The following RFX2 variants were observed in gnomAD, a reference collection of about 807,000 sequenced individuals.
RFX2 encodes the protein DNA-binding protein RFX2.
A neutral mutation model predicts 87.8 loss-of-function variants in RFX2; 20 were observed. That is an observed-to-expected ratio of 0.23 (90% CI 0.16 to 0.33). RFX2 has a LOEUF of 0.33. RFX2 is among the 10% of genes least tolerant of loss of function. The pLI, the probability that RFX2 is intolerant of heterozygous loss-of-function variation, is 1.00. For missense variants in RFX2, 767 were observed against 1,012.3 expected, an observed-to-expected ratio of 0.76 and a Z score of 3.29; for synonymous variants, 397 against 431.3, an observed-to-expected ratio of 0.92 and a Z score of 0.98.
intron 3 of RFX2, 49 bp from the exon 4 acceptor site, chr19:6,042,172 T>G: frequency 6.6e-7 from 1 of 1,508,696 alleles, no homozygotes. Flanking sequence ...CCTCGTGAGT[T>G]GCCTGCAGAT....
intron 1 of RFX2, among the ~76,000 whole-genome samples, chr19:6,088,182 T>C (rs1022514186): frequency 6.8e-6 from 1 of 148,134 alleles, no homozygotes; most frequent in Non-Finnish European, 1.5e-5. Context: ...CAAAGAAGAA[T>C]GCCACAGAGA....
intron 4 of RFX2, among the ~76,000 whole-genome samples, chr19:6,041,606 C>CT (rs11363444): frequency 0.065 from 9,078 of 140,380 alleles, 366 homozygotes; most frequent in Middle Eastern, 0.1. Context: ...TAGGATTAGC[C>CT]TTTTTTTTTT....
chr19:6,012,979 C>T lies in RFX2; in HGVS notation c.899+7G>A. ...GCCAGCTCCTCCCAGCTCGGCCCGG[C>T]ACCCACCTGGGCTTCTGGTGCATGG... On this transcript the variant is annotated splice_region_variant and intron_variant, in intron 8 of 17. Transcript: ENST00000303657. This position sits in a 1 kb window ranked among gnomAD's most constrained non-coding sequence, Gnocchi z 4.6. The T allele has an allele frequency of 1.3e-6, 2 of 1,531,204 alleles. No individual in the cohort carries two copies. Among genetic ancestry groups the T allele is most frequent in the Non-Finnish European group, 8.8e-7 (1 of 1,138,824 alleles). The allele number at this position is 1,531,204 out of a possible 1,614,324, so 94.9% of individuals were successfully genotyped here.
chr19:6,038,342 A>AAAAC (rs2087052892), intron 5 of RFX2, among the ~76,000 whole-genome samples: 1 of 150,554 alleles, frequency 6.6e-6, no homozygotes, highest in African/African-American at 2.4e-5. Flanking sequence ...AAAAAAAAAA[A>AAAAC]AAAAAAAAAA....
Position 5,994,796 on chromosome 19 carries a change from G to T in RFX2, c.*39C>A. 4 of 1,344,498 alleles carry T rather than the reference G, an allele frequency of 3.0e-6. No individual in the cohort carries two copies. Among genetic ancestry groups the T allele is most frequent in the Non-Finnish European group, 4.2e-6 (4 of 949,398 alleles). The allele number at this position is 1,344,498 out of a possible 1,614,324, so 83.3% of individuals were successfully genotyped here. ...TCCAGGTTCCCAGAGTGACCAGGCGGCATCTTTTGGAACCTCGAGGAGGCG... is the reference window on the plus strand; with the variant it reads ...TCCAGGTTCCCAGAGTGACCAGGCGTCATCTTTTGGAACCTCGAGGAGGCG... On this transcript the variant is annotated 3_prime_UTR_variant, in exon 18 of 18. Coordinates refer to ENST00000303657, the MANE Select transcript of RFX2 (RefSeq NM_000635.4).
chr19:6,016,810 T>C lies in RFX2; in HGVS notation c.598-539A>G, dbSNP rs559136474. The stretch of plus-strand genomic sequence containing the variant: ...TGGTTTTCAGGTTCCTGGACTTAAT[T>C]TGTAAACATCTGGGTGTGATCAGGA... On this transcript the variant is annotated intron_variant, in intron 6 of 17. Coordinates refer to ENST00000303657, the MANE Select transcript of RFX2 (RefSeq NM_000635.4). The surrounding 1 kb of genome is among the most constrained non-coding windows in gnomAD (Gnocchi z 5.4). Among the ~76,000 whole-genome samples the C allele has an allele frequency of 1.1e-4, 16 of 152,336 alleles. No individual in the cohort carries two copies. Among genetic ancestry groups the C allele is most frequent in the Admixed American group, 9.2e-4 (14 of 15,300 alleles).
At chr19:6,105,162 C>T (rs1292571877) in intron 1 of RFX2, among the ~76,000 whole-genome samples, 2 of 151,878 alleles carry the variant, frequency 1.3e-5, no homozygotes, top group African/African-American at 4.8e-5. Flanking sequence ...AGTTCCTGCC[C>T]TTACTGAGCT....
At position 6,072,823 on chromosome 19, in the gene RFX2, A is replaced by G. The variant is rs2087628433; in HGVS notation, c.-8-25319T>C. The G allele has an allele frequency of 4.0e-6, 5 of 1,249,098 alleles. No individual in the cohort carries two copies. The Admixed American group carries it at 8.6e-5, about 22-fold the overall frequency. 77.4% of individuals were successfully genotyped at this position (1,249,098 alleles called of 1,614,324 possible). ...TGGCAGCTGTCTCCTCCTCAGCATC[A>G]TGGCCGCCCTCAGACCCCTCGTGAA... On this transcript the variant is annotated intron_variant, in intron 1 of 17. Transcript: ENST00000303657.
chr19:6,010,059 G>C lies in RFX2; in HGVS notation c.1015+77C>G. 1.2e-6 allele frequency: 1 copy of C among 837,178 alleles called. No homozygotes were observed. Among genetic ancestry groups the C allele is most frequent in the South Asian group, 1.6e-5 (1 of 62,856 alleles). 51.9% of individuals were successfully genotyped at this position (837,178 alleles called of 1,614,324 possible). Reference sequence around the variant, plus strand: ...CGGAAGCAGACGCTTAGACACCACTGGTTCTGCTGGTGTTGAAACCCAGGA... The same window carrying C: ...CGGAAGCAGACGCTTAGACACCACTCGTTCTGCTGGTGTTGAAACCCAGGA... On this transcript the variant is annotated intron_variant, in intron 9 of 17. Transcript: ENST00000303657. The surrounding 1 kb of genome is among the most constrained non-coding windows in gnomAD (Gnocchi z 5.0).
rs760874288 is a variant in RFX2 at position 6,047,467 on chromosome 19, C to T, written c.30G>A (p.Ser10=). MQNSEGGAD[S]PASVALRPSA... ...AGGGACGCAGAGCCACGGACGCTGG[C>T]GAATCCGCTCCACCCTCGGAATTCT... is the stretch of plus-strand genomic sequence containing the variant. Residue 10 remains serine (S), a synonymous_variant, in exon 2 of 18, where the codon TCG becomes TCA. Transcript: ENST00000303657. The surrounding 1 kb of genome is among the most constrained non-coding windows in gnomAD (Gnocchi z 4.2). The T allele has an allele frequency of 3.6e-5, 58 of 1,607,522 alleles. No homozygotes were observed. Among genetic ancestry groups the T allele is most frequent in the African/African-American group, 2.1e-4 (16 of 74,830 alleles).
rs2087165373 is a variant in RFX2, at chr19:6,044,800, T to C, written c.91-518A>G. 6.6e-6 allele frequency among the ~76,000 whole-genome samples: 1 copy of C among 152,212 alleles called. No individual in the cohort carries two copies. Among genetic ancestry groups the C allele is most frequent in the Non-Finnish European group, 1.5e-5 (1 of 68,032 alleles). On this transcript the variant is annotated intron_variant, in intron 2 of 17. Coordinates refer to ENST00000303657, the MANE Select transcript of RFX2 (RefSeq NM_000635.4). The surrounding 1 kb of genome is among the most constrained non-coding windows in gnomAD (Gnocchi z 5.3). ...TGTTTCCATTTTCTGATGAGGTTAA[T>C]GAAGCCAGAGGGCTCAAGTGCTGCC...
rs1481734023 is a variant in RFX2 at position 5,998,198 on chromosome 19, C to T, written c.1860-985G>A. ...TGGCACATGCCTGTAATCCCAGCTA[C>T]TCGGGAGGCTAAGGCAGGAAAATTG... On this transcript the variant is annotated intron_variant, in intron 15 of 17. Transcript: ENST00000303657. This position sits in a 1 kb window ranked among gnomAD's most constrained non-coding sequence, Gnocchi z 4.2. 6.6e-6 allele frequency among the ~76,000 whole-genome samples: 1 copy of T among 152,132 alleles called. No homozygotes were observed. The highest frequency in any genetic ancestry group is 1.5e-5 in the Non-Finnish European group (1 of 68,034).
rs13343964 is a variant in RFX2, at chr19:6,032,656, C to T, written c.523-6419G>A. On this transcript the variant is annotated intron_variant, in intron 5 of 17. Transcript: ENST00000303657. ...GCAGGGGGAGCCCCCACCAATATCT[C>T]TGTGCACGTCCTTTGTGGGGCATGA... Among the ~76,000 whole-genome samples the T allele has an allele frequency of 6.3e-3, 959 of 152,348 alleles. 12 individuals carry two copies. Among genetic ancestry groups the T allele is most frequent in the African/African-American group, 0.022 (909 of 41,578 alleles).
Position 6,044,753 on chromosome 19 carries a change from C to A in RFX2, c.91-471G>T, listed in dbSNP as rs1568522426. Among the ~76,000 whole-genome samples, 2 of 152,234 alleles carry A rather than the reference C, an allele frequency of 1.3e-5. No individual in the cohort carries two copies. The highest frequency in any genetic ancestry group is 2.9e-5 in the Non-Finnish European group (2 of 68,038). On this transcript the variant is annotated intron_variant, in intron 2 of 17. Coordinates refer to ENST00000303657, the MANE Select transcript of RFX2 (RefSeq NM_000635.4). The surrounding 1 kb of genome is among the most constrained non-coding windows in gnomAD (Gnocchi z 5.3). ...GGAGAGCACTCTGTGGCGCCCCTCGCTTCTGCAGTATAACCCGGACTTGTT... is the reference window on the plus strand; with the variant it reads ...GGAGAGCACTCTGTGGCGCCCCTCGATTCTGCAGTATAACCCGGACTTGTT...
Position 6,001,655 on chromosome 19 carries a change from C to T in RFX2, c.1859+160G>A, listed in dbSNP as rs1383715209. 1.3e-5 allele frequency among the ~76,000 whole-genome samples: 2 copies of T among 152,134 alleles called. No homozygotes were observed. The highest frequency in any genetic ancestry group is 2.9e-5 in the Non-Finnish European group (2 of 68,020). On this transcript the variant is annotated intron_variant, in intron 15 of 17. Coordinates refer to ENST00000303657, the MANE Select transcript of RFX2 (RefSeq NM_000635.4). The surrounding 1 kb of genome is among the most constrained non-coding windows in gnomAD (Gnocchi z 5.6). Reference sequence around the variant, plus strand: ...TGGGAGCCGCTGGTCATGAGTGAGGCCCCCAGCCAGGTAGTTGTTTTTTGC... The same window carrying T: ...TGGGAGCCGCTGGTCATGAGTGAGGTCCCCAGCCAGGTAGTTGTTTTTTGC...
At chr19:6,035,849 G>GGGTGTGTGT (rs34235787) in intron 5 of RFX2, among the ~76,000 whole-genome samples, 5 of 138,712 alleles carry the variant, frequency 3.6e-5, no homozygotes, top group Admixed American at 1.4e-4. Context: ...GCTTGGTGGG[G>GGGTGTGTGT]GGTGTGTGTG....
intron 5 of RFX2, among the ~76,000 whole-genome samples, chr19:6,038,065 G>A (rs1330189840): frequency 3.3e-5 from 5 of 151,940 alleles, no homozygotes; most frequent in Non-Finnish European, 7.4e-5. Flanking sequence ...GGTGGCTCAC[G>A]CCTGTAATCC....
intron 6 of RFX2, among the ~76,000 whole-genome samples, chr19:6,018,626 T>C (rs1210606639): frequency 6.6e-6 from 1 of 152,182 alleles, no homozygotes; most frequent in African/African-American, 2.4e-5. Flanking sequence ...TGGGACCAGA[T>C]GTGTTACTTT....
chr19:6,015,782 T>C (rs1236893937), intron 7 of RFX2, among the ~76,000 whole-genome samples: 3 of 152,134 alleles, frequency 2.0e-5, no homozygotes, highest in Non-Finnish European at 4.4e-5. Context: ...ATTTCAGGTG[T>C]GCACCACCAC....
Sources: allele counts gnomAD v4.1 joint callset (sites outside exome capture counted in the v4.1 genomes callset), GRCh38; gene constraint gnomAD v4.1.1; non-coding constraint Gnocchi (gnomAD v3.1); transcripts MANE v1.5; gene names NCBI Gene and HGNC (gene_info 2026-07-23, HGNC 2026-07-21).